HS3ST3A1: variants seen among roughly 807,000 people sequenced by gnomAD.
HS3ST3A1 encodes heparan sulfate glucosamine 3-O-sulfotransferase 3A1.
A neutral mutation model predicts 25.7 loss-of-function variants in HS3ST3A1; 19 were observed. The observed-to-expected ratio is 0.74, with a 90% CI of 0.52 to 1.08. The LOEUF is 1.08. Ranked by LOEUF, HS3ST3A1 falls within the 50% of genes least tolerant of loss-of-function variation. The pLI is 0.00. For missense variants in HS3ST3A1, 459 were observed against 594.3 expected, an observed-to-expected ratio of 0.77 and a Z score of 2.37; for synonymous variants, 226 against 278.6, an observed-to-expected ratio of 0.81 and a Z score of 1.88.
intron 1 of HS3ST3A1, among the ~76,000 whole-genome samples, chr17:13,560,328 C>CCTACATA (rs1448770991): frequency 1.8e-5 from 1 of 55,622 alleles, no homozygotes; most frequent in South Asian, 6.9e-4. Flanking sequence ...AAGTGTATTA[C>CCTACATA]CTACATACTC....
At chr17:13,586,338 C>G (rs1006298508) in intron 1 of HS3ST3A1, among the ~76,000 whole-genome samples, 3 of 151,992 alleles carry the variant, frequency 2.0e-5, no homozygotes, top group Non-Finnish European at 4.4e-5. Context: ...CTCTAGATTC[C>G]TCAACGGCCA....
chr17:13,545,355 C>G (rs898841657), intron 1 of HS3ST3A1, among the ~76,000 whole-genome samples: 2 of 152,212 alleles, frequency 1.3e-5, no homozygotes, highest in Non-Finnish European at 2.9e-5. Context: ...GGGGACTCTT[C>G]CCCCAGTAAC....
At chr17:13,555,712 G>A (rs1182040379) in intron 1 of HS3ST3A1, among the ~76,000 whole-genome samples, 4 of 152,052 alleles carry the variant, frequency 2.6e-5, no homozygotes, top group Non-Finnish European at 5.9e-5. Flanking sequence ...TGCAAAAGAT[G>A]TTTATAATTA....
chr17:13,507,244 C>T (rs9892731), intron 1 of HS3ST3A1, among the ~76,000 whole-genome samples: 61,906 of 151,872 alleles, frequency 0.41, 13,686 homozygotes, highest in African/African-American at 0.59. Context: ...GCATTTACCA[C>T]AGAACAAGGT....
intron 1 of HS3ST3A1, among the ~76,000 whole-genome samples, chr17:13,552,620 C>T (rs1345157055): frequency 6.6e-6 from 1 of 152,182 alleles, no homozygotes; most frequent in East Asian, 1.9e-4. Flanking sequence ...CCCATGTATA[C>T]AGAAATACGT....
intron 1 of HS3ST3A1, among the ~76,000 whole-genome samples, chr17:13,595,615 G>A (rs1182354995): frequency 2.0e-5 from 3 of 152,110 alleles, no homozygotes; most frequent in Non-Finnish European, 2.9e-5. Flanking sequence ...GCAACTCATC[G>A]CTTAAGCAGA....
intron 1 of HS3ST3A1, among the ~76,000 whole-genome samples, chr17:13,497,644 A>AGT (rs1905328055): frequency 6.6e-6 from 1 of 152,246 alleles, no homozygotes; most frequent in Non-Finnish European, 1.5e-5. Context: ...TACTGGCCTC[A>AGT]GTCAGGGCCA....
chr17:13,576,268 C>G (rs915053928), intron 1 of HS3ST3A1, among the ~76,000 whole-genome samples: 2 of 152,222 alleles, frequency 1.3e-5, no homozygotes, highest in East Asian at 3.8e-4. Flanking sequence ...CTCAGTGTAT[C>G]TCTTGCGATC....
chr17:13,546,425 G>T (rs578173757), intron 1 of HS3ST3A1, among the ~76,000 whole-genome samples: 1 of 152,140 alleles, frequency 6.6e-6, no homozygotes, highest in African/African-American at 2.4e-5. Flanking sequence ...GTGCCACTAC[G>T]CCCAGGTAAT....
At chr17:13,504,368 A>C (rs1193394060) in intron 1 of HS3ST3A1, among the ~76,000 whole-genome samples, 3 of 152,138 alleles carry the variant, frequency 2.0e-5, no homozygotes, top group Non-Finnish European at 4.4e-5. Flanking sequence ...TAACAAACAC[A>C]GCCAGTCACA....
chr17:13,519,029 C>T (rs138159427), intron 1 of HS3ST3A1, among the ~76,000 whole-genome samples: 39 of 152,180 alleles, frequency 2.6e-4, no homozygotes, highest in South Asian at 8.3e-4. Flanking sequence ...TATGTGCTTA[C>T]CAAAAATCTG....
chr17:13,544,537 G>A (rs145904688), intron 1 of HS3ST3A1, among the ~76,000 whole-genome samples: 1 of 152,274 alleles, frequency 6.6e-6, no homozygotes, highest in East Asian at 1.9e-4. Flanking sequence ...GCCCTGCGCC[G>A]TCTGGCACAG....
At chr17:13,499,534 A>G (rs1194451837) in intron 1 of HS3ST3A1, among the ~76,000 whole-genome samples, 1 of 148,622 alleles carries the variant, frequency 6.7e-6, no homozygotes, top group East Asian at 2.1e-4. Flanking sequence ...AATTTTGACC[A>G]GTAAAATAGA....
intron 1 of HS3ST3A1, among the ~76,000 whole-genome samples, chr17:13,533,829 C>G (rs1906686815): frequency 6.6e-6 from 1 of 152,074 alleles, no homozygotes; most frequent in Non-Finnish European, 1.5e-5. Flanking sequence ...TTTAATGTAA[C>G]AAATCAGAAG....
intron 1 of HS3ST3A1, among the ~76,000 whole-genome samples, chr17:13,572,833 C>CT (rs1907853918): frequency 6.6e-6 from 1 of 152,158 alleles, no homozygotes; most frequent in African/African-American, 2.4e-5. Flanking sequence ...AGGAACTAGC[C>CT]GTCCTGTTAG....
intron 1 of HS3ST3A1, among the ~76,000 whole-genome samples, chr17:13,587,308 G>T (rs1244044977): frequency 6.6e-6 from 1 of 152,060 alleles, no homozygotes; most frequent in African/African-American, 2.4e-5. Context: ...ACAAAAATTA[G>T]CTGGGTGTGG....
intron 1 of HS3ST3A1, among the ~76,000 whole-genome samples, chr17:13,569,471 C>CA (rs1205924861): frequency 6.6e-6 from 1 of 152,250 alleles, no homozygotes; most frequent in East Asian, 1.9e-4. Flanking sequence ...CCAAGCTCCA[C>CA]ATGCATTGCT....
At chr17:13,554,572 G>A (rs1907323218) in intron 1 of HS3ST3A1, among the ~76,000 whole-genome samples, 1 of 152,168 alleles carries the variant, frequency 6.6e-6, no homozygotes, top group African/African-American at 2.4e-5. Context: ...GCAAACCCCT[G>A]AGGGGTGCGC....
intron 1 of HS3ST3A1, among the ~76,000 whole-genome samples, chr17:13,508,526 C>T (rs1905759677): frequency 6.6e-6 from 1 of 152,178 alleles, no homozygotes; most frequent in Non-Finnish European, 1.5e-5. Flanking sequence ...CTTTCATTGA[C>T]TCTTAGAAAC....
Sources: allele counts gnomAD v4.1 joint callset (sites outside exome capture counted in the v4.1 genomes callset), GRCh38; gene constraint gnomAD v4.1.1; transcripts MANE v1.5; gene names NCBI Gene and HGNC (gene_info 2026-07-23, HGNC 2026-07-21).